Variants in BCOR observed in about 807,000 individuals in gnomAD.
BCOR encodes the protein BCL-6 corepressor.
A neutral mutation model predicts 86.7 loss-of-function variants in BCOR; 10 were observed. That is an observed-to-expected ratio of 0.12 (90% CI 0.07 to 0.20). The LOEUF (loss-of-function observed/expected upper bound fraction) is 0.20. Ranked by LOEUF, BCOR falls within the 10% of genes least tolerant of loss-of-function variation. BCOR has a pLI of 1.00. For missense variants in BCOR, 1,259 were observed against 1,452.1 expected (o/e 0.87, Z 2.16); for synonymous variants, 611 against 609.0 (o/e 1.00, Z -0.05).
At chrX:40,142,625 C>T (rs1937946594) in intron 1 of BCOR, among the ~76,000 whole-genome samples, 1 of 111,955 alleles carries the variant, frequency 8.9e-6, no homozygotes, top group African/African-American at 3.3e-5. Flanking sequence ...GCAATAACTC[C>T]GATGCCACAA....
In BCOR at chrX:40,071,097, G is replaced by A. The variant is rs1396041728; in HGVS notation, c.3114C>T (p.Thr1038=). The A allele has an allele frequency of 8.3e-7, 1 of 1,210,418 alleles. No individual in the cohort carries two copies. ...TGAATTTGCACATCTCGGAGTCTTT[G>A]GTTGCTGGGTGGCCACCTTCTCTTT... ...MKEREGGHPA[T]KDSEMCKFSP... is the part of the protein sequence containing the mutation. Residue 1038 remains threonine, a synonymous_variant, in exon 6 of 15, where the codon ACC becomes ACT. Transcript: ENST00000378444.
chrX:40,132,239 C>T (rs181902777), intron 1 of BCOR, among the ~76,000 whole-genome samples: 224 of 111,980 alleles, frequency 2.0e-3, no homozygotes, highest in African/African-American at 6.9e-3. Flanking sequence ...TGACTGCAAC[C>T]GAATGAGATA....
Position 40,139,808 on chromosome X carries a change from CAA to C in BCOR, c.-41+37197_-41+37198del, listed in dbSNP as rs5902253. Reference sequence around the variant, plus strand: ...CCTGGGTGACAGAGCGAGACTGTCTCAAAAAAAAAAAAAAAATCAGCCTTAAT... The same window carrying C: ...CCTGGGTGACAGAGCGAGACTGTCTCAAAAAAAAAAAAAATCAGCCTTAAT... On this transcript the variant is annotated intron_variant, in intron 1 of 14. Coordinates refer to the BCOR transcript ENST00000342274. Among the ~76,000 whole-genome samples, 141 of 82,981 alleles carry C rather than the reference CAA, an allele frequency of 1.7e-3. 1 individual carries two copies. The highest frequency in any genetic ancestry group is 8.6e-3 in the East Asian group (21 of 2,438). The allele number at this position is 82,981 out of a possible 115,157, so 72.1% of individuals were successfully genotyped here.
chrX:40,102,850 C>T (rs1033008124), upstream of BCOR, among the ~76,000 whole-genome samples: 4 of 113,301 alleles, frequency 3.5e-5, no homozygotes, highest in Non-Finnish European at 7.5e-5. Context: ...CTCTGCCCTC[C>T]CGCCCCCAAC....
intron 1 of BCOR, among the ~76,000 whole-genome samples, chrX:40,109,097 GGGA>G (rs1180648780): frequency 2.7e-5 from 3 of 112,587 alleles, no homozygotes; most frequent in African/African-American, 6.4e-5. Context: ...GAGGGCGGCG[GGGA>G]GGAGGAGAGA....
At chrX:40,084,211 T>C (rs908540810) in intron 1 of BCOR, among the ~76,000 whole-genome samples, 13 of 112,010 alleles carry the variant, frequency 1.2e-4, no homozygotes, top group Non-Finnish European at 2.4e-4. Context: ...CTGCCGAACC[T>C]GGATTGTCCG....
chrX:40,086,536 T>C (rs765039921), intron 1 of BCOR, among the ~76,000 whole-genome samples: 1 of 112,699 alleles, frequency 8.9e-6, no homozygotes, highest in East Asian at 2.8e-4. Context: ...TCCTGGGAAG[T>C]CATAAAGATG....
At chrX:40,172,171 C>T (rs1198886738) in intron 1 of BCOR, among the ~76,000 whole-genome samples, 2 of 112,885 alleles carry the variant, frequency 1.8e-5, no homozygotes, top group African/African-American at 3.2e-5. Flanking sequence ...GCAAGACGAG[C>T]AGGGTAGACT....
Position 40,134,125 on chromosome X carries a change from G to A in BCOR, c.-41+42882C>T, listed in dbSNP as rs12396772. Among the ~76,000 whole-genome samples the A allele has an allele frequency of 9.1e-3, 972 of 106,584 alleles. 21 individuals are homozygous for A. The highest frequency in any genetic ancestry group is 0.031 in the African/African-American group (916 of 29,214). 92.6% of individuals were successfully genotyped at this position (106,584 alleles called of 115,157 possible). ...ATCACTCCAGGCAGGGGGCTCAGGG[G>A]CTGAGGCTCCCTCCCAGGGCAGAAC... On this transcript the variant is annotated intron_variant, in intron 1 of 14. Transcript: ENST00000342274.
intron 6 of BCOR, among the ~76,000 whole-genome samples, chrX:40,070,485 T>C (rs1443372930): frequency 1.8e-5 from 2 of 111,792 alleles, no homozygotes; most frequent in East Asian, 5.7e-4. Context: ...AGCCCCCTCA[T>C]GCATGCCAGG....
At chrX:40,165,731 A>G (rs1377426081) in intron 1 of BCOR, among the ~76,000 whole-genome samples, 2 of 111,864 alleles carry the variant, frequency 1.8e-5, no homozygotes, top group Non-Finnish European at 3.8e-5. Context: ...TATCAGTCCA[A>G]ATCCTCTCTT....
At chrX:40,136,520 C>A (rs776293816) in intron 1 of BCOR, among the ~76,000 whole-genome samples, 1 of 111,963 alleles carries the variant, frequency 8.9e-6, no homozygotes, top group East Asian at 2.8e-4. Flanking sequence ...TAGCCTCACA[C>A]CCTTCTTAAT....
At chrX:40,126,242 G>A (rs1322599085) in intron 1 of BCOR, among the ~76,000 whole-genome samples, 8 of 105,463 alleles carry the variant, frequency 7.6e-5, no homozygotes, top group Admixed American at 2.1e-4. Context: ...AGAATCATCT[G>A]GGGCTGGGTG....
chrX:40,117,419 T>TA (rs1266833658), intron 1 of BCOR, among the ~76,000 whole-genome samples: 2 of 111,985 alleles, frequency 1.8e-5, no homozygotes, highest in Non-Finnish European at 3.8e-5. Context: ...AATAGGATCA[T>TA]ACGGTCTATT....
At position 40,079,207 on chromosome X, in the gene BCOR, C is replaced by T. The variant is rs1410730905; in HGVS notation, c.-40-1238G>A. Among the ~76,000 whole-genome samples, 8 of 112,008 alleles carry T rather than the reference C, an allele frequency of 7.1e-5. No individual in the cohort carries two copies. In the Admixed American group the frequency reaches 7.5e-4, roughly 11 times the overall value. ...TCAGGGGAACTTTTTTCTCCTCCCTCACACACCCACCCACACAGTTTCCGA... is the reference window on the plus strand; with the variant it reads ...TCAGGGGAACTTTTTTCTCCTCCCTTACACACCCACCCACACAGTTTCCGA... On this transcript the variant is annotated intron_variant, in intron 1 of 14. Transcript: ENST00000378444.
intron 6 of BCOR, among the ~76,000 whole-genome samples, chrX:40,066,925 C>A (rs754011675): frequency 2.2e-5 from 2 of 92,646 alleles, no homozygotes; most frequent in East Asian, 8.1e-4. Context: ...AGAGACACCC[C>A]CCCCCCCCCA....
At chrX:40,099,248 C>T (rs1055247830), upstream of BCOR, among the ~76,000 whole-genome samples, 3 of 111,952 alleles carry the variant, frequency 2.7e-5, no homozygotes, top group Non-Finnish European at 5.7e-5. Flanking sequence ...GAGGGGGAAG[C>T]GGAGAAGCGA....
chrX:40,071,943 G>A, intron 4 of BCOR: 1 of 384,680 alleles, frequency 2.6e-6, no homozygotes, highest in Non-Finnish European at 4.5e-6. Context: ...AAATTTGCAT[G>A]AATCCCACAG....
intron 1 of BCOR, among the ~76,000 whole-genome samples, chrX:40,122,146 G>A (rs1317961765): frequency 1.8e-5 from 2 of 111,267 alleles, no homozygotes; most frequent in African/African-American, 6.5e-5. Context: ...ACTTGGGGCC[G>A]GACACCCCTG....
Sources: allele counts gnomAD v4.1 joint callset (sites outside exome capture counted in the v4.1 genomes callset), GRCh38; gene constraint gnomAD v4.1.1; transcripts MANE v1.5; gene names NCBI Gene and HGNC (gene_info 2026-07-23, HGNC 2026-07-21).